Variants in TCF4 observed in about 807,000 individuals in gnomAD.
TCF4 encodes the protein transcription factor 4.
In TCF4, 3 loss-of-function variants were observed where a neutral mutation model predicts 82.1. The observed-to-expected ratio is 0.04, with a 90% CI of 0.02 to 0.09. The LOEUF (loss-of-function observed/expected upper bound fraction) is 0.09. Among genes scored for constraint, TCF4 ranks in the 10% least tolerant of loss-of-function variants. TCF4 has a pLI of 1.00. For missense variants in TCF4, 518 were observed against 852.7 expected, an observed-to-expected ratio of 0.61 and a Z score of 4.89; for synonymous variants, 276 against 309.6, an observed-to-expected ratio of 0.89 and a Z score of 1.14.
chr18:55,590,532 G>A (rs777891063), upstream of TCF4, among the ~76,000 whole-genome samples: 1 of 152,222 alleles, frequency 6.6e-6, no homozygotes, highest in Non-Finnish European at 1.5e-5. Context: ...TCTGGTCTGT[G>A]TAAAGCAAAT....
chr18:55,241,380 T>C (rs1183697342), intron 15 of TCF4, among the ~76,000 whole-genome samples: 1 of 152,246 alleles, frequency 6.6e-6, no homozygotes, highest in African/African-American at 2.4e-5. Context: ...ATCTCTTCCT[T>C]GCTCCACATA....
intron 3 of TCF4, among the ~76,000 whole-genome samples, chr18:55,478,680 C>CT (rs1352520064): frequency 6.6e-6 from 1 of 151,766 alleles, no homozygotes; most frequent in African/African-American, 2.4e-5. Context: ...ATGAATTATC[C>CT]TTATTGTACC....
chr18:55,451,454 A>T (rs1344783096), intron 5 of TCF4, among the ~76,000 whole-genome samples: 2 of 152,194 alleles, frequency 1.3e-5, no homozygotes, highest in Non-Finnish European at 2.9e-5. Context: ...AAAAGCCAAG[A>T]ATTATGCTGA....
At chr18:55,302,051 A>G (rs2068488536) in intron 8 of TCF4, among the ~76,000 whole-genome samples, 1 of 152,254 alleles carries the variant, frequency 6.6e-6, no homozygotes, top group Non-Finnish European at 1.5e-5. Context: ...GCAGAGGGAA[A>G]ATTAATAAGG....
intron 13 of TCF4, 103 bp downstream of exon 13, chr18:55,259,846 G>T: frequency 1.0e-6 from 1 of 978,682 alleles, no homozygotes; most frequent in Non-Finnish European, 1.7e-6. Context: ...AAAGCTTTGG[G>T]ATTTGGGGGG....
chr18:55,575,667 T>C (rs1437183265), intron 3 of TCF4, among the ~76,000 whole-genome samples: 1 of 152,156 alleles, frequency 6.6e-6, no homozygotes, highest in African/African-American at 2.4e-5. Flanking sequence ...TTGGCTTCAC[T>C]ATGGAAATTG....
intron 2 of TCF4, among the ~76,000 whole-genome samples, chr18:55,619,809 T>A (rs927567690): frequency 6.6e-6 from 1 of 152,196 alleles, no homozygotes; most frequent in African/African-American, 2.4e-5. Context: ...GTGCTGGATG[T>A]TTTTGTATAC....
chr18:55,425,051 C>T (rs991171541), intron 5 of TCF4, among the ~76,000 whole-genome samples: 8 of 152,096 alleles, frequency 5.3e-5, no homozygotes, highest in Admixed American at 4.6e-4. Flanking sequence ...ACACTAAGAA[C>T]AAGAAAAAGT....
At chr18:55,439,967 G>A (rs2095409493) in intron 5 of TCF4, among the ~76,000 whole-genome samples, 2 of 152,152 alleles carry the variant, frequency 1.3e-5, no homozygotes, top group African/African-American at 4.8e-5. Flanking sequence ...CAAATGATCT[G>A]CCCTCCTCGG....
chr18:55,551,746 G>C (rs939950739), intron 3 of TCF4: 1 of 152,042 alleles, frequency 6.6e-6, no homozygotes, highest in Non-Finnish European at 1.5e-5. Context: ...AGAATATCTC[G>C]TCCTCCTCAA....
chr18:55,508,947 T>C (rs1318815958), intron 3 of TCF4, among the ~76,000 whole-genome samples: 1 of 152,230 alleles, frequency 6.6e-6, no homozygotes, highest in Non-Finnish European at 1.5e-5. Context: ...TTAAACAGAT[T>C]ATCTGAAACA....
At chr18:55,241,668 A>C (rs1459762504) in intron 15 of TCF4, among the ~76,000 whole-genome samples, 1 of 152,176 alleles carries the variant, frequency 6.6e-6, no homozygotes, top group Non-Finnish European at 1.5e-5. Context: ...ACCATTACCC[A>C]TTGGCCTTTA....
intron 6 of TCF4, among the ~76,000 whole-genome samples, chr18:55,380,391 G>T (rs1291045383): frequency 6.6e-6 from 1 of 151,888 alleles, no homozygotes; most frequent in Admixed American, 6.6e-5. Context: ...TCTACATCCG[G>T]TATTTCTCCT....
intron 3 of TCF4, among the ~76,000 whole-genome samples, chr18:55,527,687 CAA>C (rs1268380051): frequency 1.8e-4 from 28 of 152,086 alleles, no homozygotes; most frequent in Non-Finnish European, 5.9e-5. Context: ...AATGAGATAT[CAA>C]AGTTATTGAA....
chr18:55,261,803 T>G (rs2058134605), intron 11 of TCF4, among the ~76,000 whole-genome samples: 1 of 152,214 alleles, frequency 6.6e-6, no homozygotes, highest in Non-Finnish European at 1.5e-5. Flanking sequence ...AGCTGGTGAA[T>G]GTAGCAAGCT....
chr18:55,371,458 A>C (rs2089136495), intron 6 of TCF4, among the ~76,000 whole-genome samples: 1 of 152,188 alleles, frequency 6.6e-6, no homozygotes, highest in Non-Finnish European at 1.5e-5. Flanking sequence ...AGATGCTTGG[A>C]GAAATAAAGA....
At chr18:55,401,507 G>A (rs1170661325) in intron 6 of TCF4, 2 of 989,304 alleles carry the variant, frequency 2.0e-6, no homozygotes, top group Non-Finnish European at 2.4e-6. Context: ...AACCTCCCAA[G>A]GCCCAGAAAT....
At chr18:55,362,339 G>GA (rs1555942406) in intron 6 of TCF4, among the ~76,000 whole-genome samples, 2 of 68,572 alleles carry the variant, frequency 2.9e-5, no homozygotes, top group African/African-American at 1.3e-4. Flanking sequence ...AAAAAAAAAA[G>GA]AGGAAGGAAG....
At chr18:55,565,761 T>G (rs909525918) in intron 3 of TCF4, among the ~76,000 whole-genome samples, 14 of 151,796 alleles carry the variant, frequency 9.2e-5, no homozygotes, top group Non-Finnish European at 1.9e-4. Flanking sequence ...AATGGAATAC[T>G]ATGAAGCCAA....
Sources: gnomAD v4.1 joint callset for allele counts (sites outside exome capture counted in the v4.1 genomes callset) on GRCh38, gnomAD v4.1.1 for gene constraint, MANE v1.5 for transcripts, NCBI Gene and HGNC (gene_info 2026-07-23, HGNC 2026-07-21) for gene names.